The following CUBN variants were observed in gnomAD, a reference collection of about 807,000 sequenced individuals.
The protein encoded by CUBN is 460 kDa receptor.
A neutral mutation model predicts 405.3 loss-of-function variants in CUBN; 282 were observed. The ratio of observed to expected loss-of-function variants is 0.70; its 90% CI spans 0.63 to 0.77. The LOEUF is 0.77. Among genes scored for constraint, CUBN ranks in the 30% least tolerant of loss-of-function variants. CUBN has a pLI of 0.00. For missense variants in CUBN, 4,514 were observed against 4,475.2 expected (o/e 1.01, Z -0.25); for synonymous variants, 1,684 against 1,617.0 (o/e 1.04, Z -0.99).
At chr10:16,931,682 A>G (rs1175770675) in intron 40 of CUBN, among the ~76,000 whole-genome samples, 1 of 152,202 alleles carries the variant, frequency 6.6e-6, no homozygotes, top group African/African-American at 2.4e-5. Context: ...ATCCTCAGAA[A>G]AAGCCTGTGA....
At chr10:17,037,974 C>T (rs1158226844) in intron 27 of CUBN, among the ~76,000 whole-genome samples, 3 of 147,816 alleles carry the variant, frequency 2.0e-5, no homozygotes, top group African/African-American at 7.5e-5. Context: ...GGTCTCACTT[C>T]GTCACCCAGG....
intron 27 of CUBN, among the ~76,000 whole-genome samples, chr10:17,039,746 G>A (rs1834975814): frequency 6.6e-6 from 1 of 152,076 alleles, no homozygotes; most frequent in African/African-American, 2.4e-5. Flanking sequence ...TTCATGTTGT[G>A]TCATATTTTC....
chr10:16,946,061 T>G (rs145976105), intron 36 of CUBN, among the ~76,000 whole-genome samples: 46 of 152,210 alleles, frequency 3.0e-4, no homozygotes, highest in African/African-American at 1.1e-3. Context: ...CTCAAAACAA[T>G]CCTCTTCTCT....
rs367575656 is a variant in CUBN, at chr10:16,869,657, T to C, written c.9433A>G (p.Met3145Val). The change falls in exon 59 of 67, where the codon ATG (methionine) becomes GTG (valine). Residue 3145 changes from methionine to valine, a missense_variant. Physicochemically the swap from Met to Val is conservative, Grantham distance 21. Around this residue, in one of 5 missense-constraint regions of CUBN, gnomAD observed 1,186 missense variants for 1,186.9 expected, o/e 1.00. Coordinates refer to ENST00000377833, the MANE Select transcript of CUBN (RefSeq NM_001081.4). The part of the protein sequence containing the change: ...DSFQTAKGWK[M>V]SFRQTLGPQQ... ...TTACCCAATGTCTGCCGGAAAGACA[T>C]CTTCCAGCCTTTTGCTGTCTGAAAT... The C allele has an allele frequency of 8.1e-6, 13 of 1,613,094 alleles. No homozygotes were observed. The highest frequency in any genetic ancestry group is 4.0e-5 in the African/African-American group (3 of 74,842).
At position 17,123,793 on chromosome 10, in the gene CUBN, G is replaced by A. The variant is rs1327341663; in HGVS notation, c.388-104C>T. ...TACATTTAACTCTTAATCAGTGGGGGTCTCCTTCTACACTTTAAAGCCATT... is the reference window on the plus strand; with the variant it reads ...TACATTTAACTCTTAATCAGTGGGGATCTCCTTCTACACTTTAAAGCCATT... On this transcript the variant is annotated intron_variant, in intron 4 of 66. Coordinates refer to ENST00000377833, the MANE Select transcript of CUBN (RefSeq NM_001081.4). 20 of 749,444 alleles carry A rather than the reference G, an allele frequency of 2.7e-5. 1 individual carries two copies. In the East Asian group the frequency reaches 4.8e-4, roughly 18 times the overall value. 46.4% of individuals were successfully genotyped at this position (749,444 alleles called of 1,614,324 possible). A position where few individuals can be genotyped will look rare whatever the true frequency, so the allele number is the denominator to read the frequency against.
At chr10:16,952,416 T>C (rs1842946782) in intron 32 of CUBN, 27 bp from the exon 33 acceptor site, 4 of 1,259,746 alleles carry the variant, frequency 3.2e-6, no homozygotes, top group Non-Finnish European at 3.5e-6. Context: ...CACACATACA[T>C]GTCATATGCT....
chr10:16,865,637 G>A (rs939265764), intron 59 of CUBN, among the ~76,000 whole-genome samples: 1 of 152,004 alleles, frequency 6.6e-6, no homozygotes, highest in African/African-American at 2.4e-5. Context: ...ACCAATCAAC[G>A]CTCTGTAAAA....
chr10:16,976,862 G>A (rs1564457627), intron 31 of CUBN, among the ~76,000 whole-genome samples: 1 of 152,094 alleles, frequency 6.6e-6, no homozygotes, highest in South Asian at 2.1e-4. Context: ...GCCTTCTGCT[G>A]AGGTGTTAAT....
intron 64 of CUBN, among the ~76,000 whole-genome samples, chr10:16,834,333 G>A (rs542683865): frequency 5.3e-5 from 8 of 152,272 alleles, no homozygotes; most frequent in East Asian, 1.9e-4. Flanking sequence ...TCAGGCCCAC[G>A]AGGCGCATGG....
At chr10:16,835,864 G>A (rs1375853619) in intron 63 of CUBN, among the ~76,000 whole-genome samples, 1 of 151,974 alleles carries the variant, frequency 6.6e-6, no homozygotes, top group African/African-American at 2.4e-5. Context: ...TATGATATGA[G>A]AATTATATTT....
intron 4 of CUBN, among the ~76,000 whole-genome samples, chr10:17,124,606 T>G (rs928138022): frequency 1.3e-5 from 2 of 151,746 alleles, no homozygotes; most frequent in Non-Finnish European, 2.9e-5. Context: ...TTTTTTGTAT[T>G]TTTAGTAGAG....
intron 59 of CUBN, among the ~76,000 whole-genome samples, chr10:16,867,732 C>T (rs1368264613): frequency 6.6e-6 from 1 of 152,192 alleles, no homozygotes; most frequent in Non-Finnish European, 1.5e-5. Context: ...TGTAATTGTT[C>T]AATGACTCGT....
chr10:17,000,849 G>A (rs1833857837), intron 28 of CUBN, among the ~76,000 whole-genome samples: 1 of 152,170 alleles, frequency 6.6e-6, no homozygotes, highest in Non-Finnish European at 1.5e-5. Context: ...GCTCATTTAA[G>A]AAAATTATTG....
intron 22 of CUBN, among the ~76,000 whole-genome samples, chr10:17,049,534 T>A (rs1005541481): frequency 6.6e-6 from 1 of 152,204 alleles, no homozygotes; most frequent in East Asian, 1.9e-4. Flanking sequence ...TTTCCCTTTA[T>A]CTTGCTTACA....
chr10:16,901,950 T>C (rs944572012), intron 51 of CUBN, among the ~76,000 whole-genome samples: 2 of 139,316 alleles, frequency 1.4e-5, no homozygotes, highest in African/African-American at 2.6e-5. Flanking sequence ...ATATAGTATA[T>C]ATATATATAC....
At chr10:16,867,392 C>G (rs563914182) in intron 59 of CUBN, among the ~76,000 whole-genome samples, 1 of 152,308 alleles carries the variant, frequency 6.6e-6, no homozygotes, top group Admixed American at 6.5e-5. Context: ...CCTCTCCTCA[C>G]TACAAACAAT....
intron 4 of CUBN, among the ~76,000 whole-genome samples, chr10:17,125,210 T>C (rs1350349147): frequency 2.0e-5 from 3 of 152,248 alleles, no homozygotes; most frequent in Non-Finnish European, 4.4e-5. Context: ...CACACATACA[T>C]ATATATTATA....
intron 17 of CUBN, 36 bp from the exon 18 acceptor site, chr10:17,072,007 T>G: frequency 1.9e-6 from 3 of 1,565,638 alleles, no homozygotes; most frequent in Non-Finnish European, 2.6e-6. Flanking sequence ...GTAATTCAAA[T>G]AAAGAAACTT....
At chr10:17,104,323 G>C (rs1836567635) in intron 12 of CUBN, 96 bp downstream of exon 12, 13 of 1,096,694 alleles carry the variant, frequency 1.2e-5, no homozygotes, top group Non-Finnish European at 1.8e-5. Flanking sequence ...AACTGGACAA[G>C]AAAGTGGGTT....
Sources: allele counts gnomAD v4.1 joint callset (sites outside exome capture counted in the v4.1 genomes callset), GRCh38; gene constraint gnomAD v4.1.1; regional missense constraint gnomAD v4.1.1; transcripts MANE v1.5; gene names NCBI Gene and HGNC (gene_info 2026-07-23, HGNC 2026-07-21).